TMCC2: variants seen among roughly 807,000 people sequenced by gnomAD.
The protein encoded by TMCC2 is transmembrane and coiled-coil domain family 2.
In TMCC2, 16 loss-of-function variants were observed where a neutral mutation model predicts 49.4. That is an observed-to-expected ratio of 0.32 (90% CI 0.22 to 0.49). TMCC2 has a LOEUF of 0.49. TMCC2 is among the 20% of genes least tolerant of loss of function. TMCC2 has a pLI of 0.99. For missense variants in TMCC2, 762 were observed against 989.8 expected (o/e 0.77, Z 3.09); for synonymous variants, 397 against 434.1 (o/e 0.91, Z 1.06).
At chr1:205,259,594 G>A (rs576473422) in intron 2 of TMCC2, among the ~76,000 whole-genome samples, 8 of 152,314 alleles carry the variant, frequency 5.3e-5, no homozygotes, top group African/African-American at 1.4e-4. Context: ...TGTGCCTCCC[G>A]GATATCGGGG....
At chr1:205,229,690 A>G (rs546497033) in intron 1 of TMCC2, 3 of 985,438 alleles carry the variant, frequency 3.0e-6, no homozygotes, top group South Asian at 4.7e-5. Context: ...GTGGTGGAGC[A>G]GTGCTTGGGC....
rs1305457141 is a variant in TMCC2 at position 205,271,146 on chromosome 1, A to G, written c.1709A>G (p.Asn570Ser). The G allele has an allele frequency of 4.3e-6, 7 of 1,613,208 alleles. No individual in the cohort carries two copies. Among genetic ancestry groups the G allele is most frequent in the Non-Finnish European group, 5.9e-6 (7 of 1,179,970 alleles). ...TACGAGCGGCTGGAGGAGCAGCTCAACGACCTGACTGAGCTTCATCAGAAC... is the reference window on the plus strand; with the variant it reads ...TACGAGCGGCTGGAGGAGCAGCTCAGCGACCTGACTGAGCTTCATCAGAAC... ...YRYERLEEQLNDLTELHQNEM... is the reference protein window; with the variant it reads ...YRYERLEEQLSDLTELHQNEM... Residue 570 changes from asparagine to serine, a missense_variant, in exon 4 of 5, where the codon AAC (asparagine) becomes AGC (serine). Coordinates refer to ENST00000358024, the MANE Select transcript of TMCC2 (RefSeq NM_014858.4).
intron 1 of TMCC2, chr1:205,230,251 T>G: frequency 1.2e-6 from 1 of 834,726 alleles, no homozygotes. Context: ...ACTAGGTTAT[T>G]GTTGTGTGTG....
rs1233377865 is a variant in TMCC2, at chr1:205,273,276, G to A, written c.*1152G>A. On this transcript the variant is annotated 3_prime_UTR_variant, in exon 5 of 5. Coordinates refer to ENST00000358024, the MANE Select transcript of TMCC2 (RefSeq NM_014858.4). ...AGGAGAGAGGAATCCCCTAGAGCAG[G>A]GAAAGCAGTGCCTGCCAGCTGTTGT... 2 of 152,170 alleles carry A rather than the reference G, an allele frequency of 1.3e-5. No homozygotes were observed. Among genetic ancestry groups the A allele is most frequent in the African/African-American group, 4.8e-5 (2 of 41,414 alleles). 9.4% of individuals were successfully genotyped at this position (152,170 alleles called of 1,614,324 possible).
At chr1:205,260,365 T>G (rs1330894055) in intron 2 of TMCC2, among the ~76,000 whole-genome samples, 2 of 152,242 alleles carry the variant, frequency 1.3e-5, no homozygotes, top group African/African-American at 4.8e-5. Context: ...TGGGGAACCT[T>G]GGGCATTTCT....
intron 1 of TMCC2, among the ~76,000 whole-genome samples, chr1:205,232,953 A>C (rs1275166586): frequency 2.7e-5 from 4 of 147,144 alleles, no homozygotes; most frequent in Admixed American, 7.0e-5. Flanking sequence ...AAAAAAAAAA[A>C]AAAAAAACAC....
intron 2 of TMCC2, chr1:205,256,522 A>G (rs1449595063): frequency 5.2e-6 from 6 of 1,164,518 alleles, no homozygotes; most frequent in Non-Finnish European, 6.3e-6. Context: ...TGTCCAGGGC[A>G]GAGACTGGAT....
At chr1:205,269,966 G>C in intron 3 of TMCC2, 82 bp downstream of exon 3, 1 of 1,408,816 alleles carries the variant, frequency 7.1e-7, no homozygotes, top group Non-Finnish European at 9.7e-7. Flanking sequence ...CCCAGGGTGT[G>C]GAGGCAGTCA....
intron 1 of TMCC2, among the ~76,000 whole-genome samples, chr1:205,235,191 C>T (rs112351855): frequency 1.9e-4 from 29 of 152,248 alleles, no homozygotes; most frequent in Admixed American, 2.6e-4. Context: ...GCCTCCCCCC[C>T]ACCCCCTCCA....
intron 1 of TMCC2, 161 bp downstream of exon 1, chr1:205,228,932 C>T: frequency 1.4e-6 from 2 of 1,421,240 alleles, no homozygotes; most frequent in Admixed American, 2.9e-5. Context: ...ACGTCAGGTA[C>T]CATTTATGCC....
intron 1 of TMCC2, chr1:205,229,017 T>C: frequency 7.5e-7 from 1 of 1,339,354 alleles, no homozygotes. Flanking sequence ...GACTCACCCA[T>C]CCGAGATTGT....
At chr1:205,260,063 G>A (rs1016515115) in intron 2 of TMCC2, among the ~76,000 whole-genome samples, 2 of 152,210 alleles carry the variant, frequency 1.3e-5, no homozygotes, top group Admixed American at 1.3e-4. Context: ...TTCTGGTGTG[G>A]AGGGGGATCA....
rs1659640521 is a variant in TMCC2 at position 205,227,990 on chromosome 1, G to A, written c.-575G>A. On this transcript the variant is annotated 5_prime_UTR_variant, in exon 1 of 5. Transcript: ENST00000358024. ...GGGCCGCGGTCGCGGCTTTGCGGCA[G>A]GCTGCGCGTCAGGCGGGGAGCGGGG... Among the ~76,000 whole-genome samples the A allele has an allele frequency of 6.7e-6, 1 of 149,492 alleles. No homozygotes were observed.
At chr1:205,242,132 G>A in intron 2 of TMCC2, 88 bp downstream of exon 2, 1 of 1,390,066 alleles carries the variant, frequency 7.2e-7, no homozygotes, top group Non-Finnish European at 9.6e-7. Context: ...TGAGCCAGGG[G>A]CCCTCCCTGG....
At chr1:205,255,202 CA>C (rs11406321) in intron 2 of TMCC2, among the ~76,000 whole-genome samples, 4,345 of 93,540 alleles carry the variant, frequency 0.046, 148 homozygotes, top group African/African-American at 0.14. Context: ...GATCCTGTCT[CA>C]AAAAAAAAAA....
intron 1 of TMCC2, among the ~76,000 whole-genome samples, chr1:205,232,152 C>T (rs1204030255): frequency 6.6e-6 from 1 of 152,100 alleles, no homozygotes; most frequent in Non-Finnish European, 1.5e-5. Context: ...CTACAGTGCC[C>T]TGGGATCTGT....
At chr1:205,232,286 C>A (rs1204365779) in intron 1 of TMCC2, among the ~76,000 whole-genome samples, 1 of 152,216 alleles carries the variant, frequency 6.6e-6, no homozygotes, top group African/African-American at 2.4e-5. Context: ...CATTGAGGGC[C>A]TTCTCAACTG....
At position 205,269,700 on chromosome 1, in the gene TMCC2, G is replaced by C; in HGVS notation, c.1498G>C (p.Ala500Pro). 1 of 1,614,114 alleles carries C rather than the reference G, an allele frequency of 6.2e-7. No individual in the cohort carries two copies. Among genetic ancestry groups the C allele is most frequent in the South Asian group, 1.1e-5 (1 of 91,092 alleles). Residue 500 changes from alanine to proline, a missense_variant, in exon 3 of 5, where the codon GCG becomes CCG. Physicochemically the swap from Ala to Pro is conservative, Grantham distance 27 (BLOSUM62 -1). Transcript: ENST00000358024. ...CAACTCTGGGGCTGGGCCTGGTGGG[G>C]CGCTGGGGAGCCCTAAGTCCAATGC... ...GSNSGAGPGG[A>P]LGSPKSNALY... is the part of the protein sequence containing the mutation.
chr1:205,268,913 G>C (rs1272629671), intron 2 of TMCC2, 37 bp from the exon 3 acceptor site: 1 of 1,601,724 alleles, frequency 6.2e-7, no homozygotes, highest in East Asian at 2.2e-5. Context: ...TGGTCCCAGG[G>C]TTTACCCATG....
Sources: allele counts gnomAD v4.1 joint callset (sites outside exome capture counted in the v4.1 genomes callset), GRCh38; gene constraint gnomAD v4.1.1; transcripts MANE v1.5; gene names NCBI Gene and HGNC (gene_info 2026-07-23, HGNC 2026-07-21).